Variants in MAST2 observed in about 807,000 individuals in gnomAD.
MAST2 encodes microtubule-associated serine/threonine-protein kinase 2.
A neutral mutation model predicts 147.4 loss-of-function variants in MAST2; 70 were observed. The ratio of observed to expected loss-of-function variants is 0.47; its 90% CI spans 0.39 to 0.58. The LOEUF (loss-of-function observed/expected upper bound fraction) is 0.58, where lower values mean the gene tolerates loss of function less well. Among genes scored for constraint, MAST2 ranks in the 20% least tolerant of loss-of-function variants. MAST2 has a pLI of 0.00. For missense variants in MAST2, 2,080 were observed against 2,302.3 expected (o/e 0.90, Z 1.98); for synonymous variants, 869 against 896.8 (o/e 0.97, Z 0.55).
intron 1 of MAST2, among the ~76,000 whole-genome samples, chr1:45,806,986 G>A (rs1644161710): frequency 6.6e-6 from 1 of 152,222 alleles, no homozygotes; most frequent in South Asian, 2.1e-4. Context: ...GGGATTATGG[G>A]CATGAGTGCC....
In MAST2 at chr1:46,023,149, G is replaced by A; in HGVS notation, c.1486-84G>A. The A allele has an allele frequency of 7.4e-7, 1 of 1,344,512 alleles. No individual in the cohort carries two copies. Among genetic ancestry groups the A allele is most frequent in the South Asian group, 1.2e-5 (1 of 85,358 alleles). 83.3% of individuals were successfully genotyped at this position (1,344,512 alleles called of 1,614,324 possible). A position where few individuals can be genotyped will look rare whatever the true frequency, so the allele number is the denominator to read the frequency against. The stretch of plus-strand genomic sequence containing the variant: ...GGAGACTGCACTAGAGCTGACAGCT[G>A]AGAAGATGCTAGAGCCACAGCTTCT... On this transcript the variant is annotated intron_variant, in intron 13 of 28. Transcript: ENST00000361297. This position sits in a 1 kb window ranked among gnomAD's most constrained non-coding sequence, Gnocchi z 4.9.
intron 20 of MAST2, 42 bp downstream of exon 20, chr1:46,029,995 G>C (rs1646576791): frequency 9.3e-6 from 15 of 1,611,990 alleles, no homozygotes; most frequent in Non-Finnish European, 1.3e-5. Context: ...GGTCCTACCT[G>C]TTTGCCTAGA....
intron 17 of MAST2, among the ~76,000 whole-genome samples, chr1:46,028,488 C>T: frequency 6.6e-6 from 1 of 152,202 alleles, no homozygotes. Context: ...GGCTGGAGTG[C>T]AGAGGCCCAT....
At chr1:45,861,574 C>G (rs146274444) in intron 3 of MAST2, among the ~76,000 whole-genome samples, 3 of 152,214 alleles carry the variant, frequency 2.0e-5, no homozygotes. Context: ...TCCTTTTCAT[C>G]TGTTGTGGTG....
At chr1:45,910,891 A>G (rs551257339) in intron 4 of MAST2, among the ~76,000 whole-genome samples, 8 of 152,330 alleles carry the variant, frequency 5.3e-5, no homozygotes, top group Non-Finnish European at 1.0e-4. Flanking sequence ...ATGGGAAGAA[A>G]TATGTGGACA....
intron 4 of MAST2, among the ~76,000 whole-genome samples, chr1:45,946,732 T>G: frequency 6.6e-6 from 1 of 152,182 alleles, no homozygotes; most frequent in East Asian, 1.9e-4. Flanking sequence ...ACCTCTTTAT[T>G]TTTTGTCTGG....
intron 3 of MAST2, chr1:45,847,252 C>G: frequency 2.0e-6 from 1 of 512,106 alleles, no homozygotes; most frequent in Non-Finnish European, 4.0e-6. Context: ...CCCTCCCGCT[C>G]CATCGTCTGC....
At chr1:46,019,825 GATTTGCCACC>G in intron 11 of MAST2, 128 bp downstream of exon 11, 1 of 783,108 alleles carries the variant, frequency 1.3e-6, no homozygotes, top group Non-Finnish European at 2.1e-6. Flanking sequence ...ATTTAAATAT[GATTTGCCACC>G]ATTGGGGGAC....
intron 7 of MAST2, among the ~76,000 whole-genome samples, chr1:46,003,443 AT>A (rs1394041439): frequency 3.3e-5 from 5 of 152,110 alleles, no homozygotes; most frequent in Non-Finnish European, 5.9e-5. Flanking sequence ...AATTGCTGCT[AT>A]GCACAATTGA....
At chr1:45,941,580 T>A (rs35743647) in intron 4 of MAST2, among the ~76,000 whole-genome samples, 1 of 152,072 alleles carries the variant, frequency 6.6e-6, no homozygotes, top group Non-Finnish European at 1.5e-5. Flanking sequence ...TTTTAAAAAT[T>A]TCTTTGGGAT....
At chr1:45,903,100 A>G (rs7527244) in intron 4 of MAST2, among the ~76,000 whole-genome samples, 47,980 of 144,154 alleles carry the variant, frequency 0.33, 8,237 homozygotes, top group African/African-American at 0.41. Flanking sequence ...TTTTGATGTT[A>G]AGCATTTAGC....
intron 3 of MAST2, among the ~76,000 whole-genome samples, chr1:45,879,148 TA>T (rs553603834): frequency 4.2e-4 from 63 of 149,170 alleles, no homozygotes; most frequent in East Asian, 3.1e-3. Flanking sequence ...CCAGAAAGGT[TA>T]AAAAAAAAAT....
intron 26 of MAST2, among the ~76,000 whole-genome samples, chr1:46,032,922 G>C (rs1646737413): frequency 6.7e-6 from 1 of 149,532 alleles, no homozygotes; most frequent in Non-Finnish European, 1.5e-5. Flanking sequence ...CTTGAGACCA[G>C]AAGTTTGAGA....
chr1:45,854,778 C>T (rs760151522), intron 3 of MAST2, among the ~76,000 whole-genome samples: 26 of 152,174 alleles, frequency 1.7e-4, no homozygotes, highest in Non-Finnish European at 1.9e-4. Flanking sequence ...AACTCCTATA[C>T]TGCATGCCTG....
At chr1:45,836,977 T>C (rs1324566490) in intron 3 of MAST2, among the ~76,000 whole-genome samples, 1 of 152,194 alleles carries the variant, frequency 6.6e-6, no homozygotes, top group Non-Finnish European at 1.5e-5. Flanking sequence ...ATGAGGAGCG[T>C]GCAACCTAGA....
chr1:45,820,562 G>T (rs779757359), intron 1 of MAST2, among the ~76,000 whole-genome samples: 4 of 151,974 alleles, frequency 2.6e-5, no homozygotes, highest in African/African-American at 9.7e-5. Context: ...TATTCATTGT[G>T]TGCTAAATAT....
chr1:45,853,423 C>T lies in MAST2; in HGVS notation c.468+23842C>T, dbSNP rs566372829. Among the ~76,000 whole-genome samples the T allele has an allele frequency of 6.6e-5, 10 of 152,014 alleles. No homozygotes were observed. The South Asian group carries it at 8.3e-4, about 13-fold the overall frequency. ...AGGCCATAGTGCAGTGGCTCGATCT[C>T]GGCTCACGGCAACCTCTACCTCCTG... On this transcript the variant is annotated intron_variant, in intron 3 of 28. Coordinates refer to ENST00000361297, the MANE Select transcript of MAST2 (RefSeq NM_015112.3).
intron 5 of MAST2, among the ~76,000 whole-genome samples, chr1:45,974,437 G>T (rs1055074125): frequency 2.6e-5 from 4 of 152,058 alleles, no homozygotes. Flanking sequence ...CTCTACAAAT[G>T]ATACAAAAAT....
chr1:45,947,786 G>A (rs1417708367), intron 4 of MAST2, among the ~76,000 whole-genome samples: 3 of 152,068 alleles, frequency 2.0e-5, no homozygotes, highest in Admixed American at 6.6e-5. Flanking sequence ...GGCCCATCTC[G>A]GCCCACTGCA....
Sources: gnomAD v4.1 joint callset for allele counts (sites outside exome capture counted in the v4.1 genomes callset) on GRCh38, gnomAD v4.1.1 for gene constraint, Gnocchi (gnomAD v3.1) non-coding constraint, MANE v1.5 for transcripts, NCBI Gene and HGNC (gene_info 2026-07-23, HGNC 2026-07-21) for gene names.